The following SHANK2 variants were observed in gnomAD, a reference collection of about 807,000 sequenced individuals.
SHANK2 encodes the protein SH3 and multiple ankyrin repeat domains protein 2.
SHANK2 carries 43 observed loss-of-function variants against 133.7 expected under a neutral mutation model. The ratio of observed to expected loss-of-function variants is 0.32; its 90% CI spans 0.25 to 0.41. The LOEUF (loss-of-function observed/expected upper bound fraction) is 0.41. SHANK2 is among the 10% of genes least tolerant of loss of function. The probability of loss-of-function intolerance (pLI) is 1.00; values close to 1 mark genes in which losing one functional copy is unlikely to be tolerated. For missense variants in SHANK2, 1,994 were observed against 2,235.8 expected (o/e 0.89, Z 2.18); for synonymous variants, 1,017 against 952.8 (o/e 1.07, Z -1.24).
At chr11:70,766,230 G>A (rs2135014001) in intron 14 of SHANK2, among the ~76,000 whole-genome samples, 1 of 152,388 alleles carries the variant, frequency 6.6e-6, no homozygotes, top group South Asian at 2.1e-4. Context: ...TAAGGATGTT[G>A]GAGCAGCAAG....
chr11:70,936,991 C>T (rs1465788602), intron 10 of SHANK2, among the ~76,000 whole-genome samples: 2 of 152,170 alleles, frequency 1.3e-5, no homozygotes, highest in Non-Finnish European at 2.9e-5. Context: ...TTGGCCTGAC[C>T]TTTTTTGAAA....
rs575500559 is a variant in SHANK2 at position 71,094,801 on chromosome 11, C to G, written c.593-113G>C. 66 of 1,208,648 alleles carry G rather than the reference C, an allele frequency of 5.5e-5. No individual in the cohort carries two copies. In the East Asian group the frequency reaches 1.4e-3, roughly 26 times the overall value. The allele number at this position is 1,208,648 out of a possible 1,614,324, so 74.9% of individuals were successfully genotyped here. A position where few individuals can be genotyped will look rare whatever the true frequency, so the allele number is the denominator to read the frequency against. On this transcript the variant is annotated intron_variant, in intron 6 of 25. Coordinates refer to ENST00000601538, the MANE Select transcript of SHANK2 (RefSeq NM_012309.5). ...AGAACTGACTCCCCTCCTCCACCTC[C>G]AGGGTGTTTACAGCTCCCACCACCT...
intron 15 of SHANK2, among the ~76,000 whole-genome samples, chr11:70,689,249 T>C (rs1335635021): frequency 6.6e-6 from 1 of 152,114 alleles, no homozygotes; most frequent in Non-Finnish European, 1.5e-5. Flanking sequence ...GTTAAGGACA[T>C]TTCCCAGAAT....
intron 14 of SHANK2, among the ~76,000 whole-genome samples, chr11:70,742,776 C>G (rs893797339): frequency 1.2e-4 from 19 of 152,326 alleles, no homozygotes; most frequent in Admixed American, 1.1e-3. Flanking sequence ...GGCAAGGGGG[C>G]GGCCTGGAGC....
At chr11:70,616,548 C>T (rs1565182444) in intron 17 of SHANK2, among the ~76,000 whole-genome samples, 1 of 152,146 alleles carries the variant, frequency 6.6e-6, no homozygotes, top group African/African-American at 2.4e-5. Flanking sequence ...AGGGCCAGGC[C>T]ACGAGGACAG....
chr11:70,946,543 C>A (rs1257615358), intron 10 of SHANK2, among the ~76,000 whole-genome samples: 1 of 148,422 alleles, frequency 6.7e-6, no homozygotes, highest in Non-Finnish European at 1.5e-5. Flanking sequence ...CACTAACCAA[C>A]TCTTCCCCAG....
chr11:71,171,627 T>C (rs1050156691), intron 2 of SHANK2, among the ~76,000 whole-genome samples: 2 of 152,142 alleles, frequency 1.3e-5, no homozygotes, highest in African/African-American at 4.8e-5. Flanking sequence ...CCCAGCATAT[T>C]GGATGGGCCC....
chr11:70,732,431 C>G (rs1363728847), intron 14 of SHANK2, among the ~76,000 whole-genome samples: 1 of 152,196 alleles, frequency 6.6e-6, no homozygotes, highest in African/African-American at 2.4e-5. Context: ...CTTTCTCCAC[C>G]TGGCCCCAAA....
rs10713824 is a variant in SHANK2, at chr11:71,137,253, C to CT, written c.207+9866dup. ...GAAAAAAAGAAAGTTTTAGTCTTTT[C>CT]TTTTTTTTTAAATCCTTTTTTAAAA... is the stretch of plus-strand genomic sequence containing the variant. On this transcript the variant is annotated intron_variant, in intron 3 of 25. Transcript: ENST00000601538. Among the ~76,000 whole-genome samples the CT allele has an allele frequency of 2.3e-3, 301 of 128,698 alleles. 2 individuals carry two copies. The highest frequency in any genetic ancestry group is 7.9e-3 in the African/African-American group (280 of 35,578). 84.4% of individuals were successfully genotyped at this position (128,698 alleles called of 152,430 possible).
chr11:70,519,423 G>A (rs1565092341), intron 17 of SHANK2, among the ~76,000 whole-genome samples: 2 of 152,140 alleles, frequency 1.3e-5, no homozygotes, highest in Non-Finnish European at 2.9e-5. Context: ...GGAAGCAGGT[G>A]GACCATCTGA....
chr11:71,113,224 TAACAC>T, intron 5 of SHANK2, 64 bp downstream of exon 5: 1 of 1,376,034 alleles, frequency 7.3e-7, no homozygotes, highest in South Asian at 1.2e-5. Flanking sequence ...CGTCTAAAGA[TAACAC>T]AACAAGATAA....
At chr11:70,494,268 G>C (rs1400194145) in intron 21 of SHANK2, among the ~76,000 whole-genome samples, 1 of 152,090 alleles carries the variant, frequency 6.6e-6, no homozygotes, top group African/African-American at 2.4e-5. Context: ...CAGACCCTTG[G>C]GCCAGTCCTG....
chr11:70,736,456 AC>A (rs1555033587), intron 14 of SHANK2, among the ~76,000 whole-genome samples: 1 of 152,198 alleles, frequency 6.6e-6, no homozygotes, highest in Admixed American at 6.5e-5. Context: ...ATCCAATGAT[AC>A]GTGTTCTTCT....
At chr11:70,672,911 G>T (rs1255577831) in intron 15 of SHANK2, among the ~76,000 whole-genome samples, 1 of 152,238 alleles carries the variant, frequency 6.6e-6, no homozygotes, top group East Asian at 1.9e-4. Context: ...AGAGCTGGCA[G>T]TGGGACCCTG....
intron 17 of SHANK2, among the ~76,000 whole-genome samples, chr11:70,641,309 G>A (rs1250013193): frequency 1.3e-5 from 2 of 152,060 alleles, no homozygotes; most frequent in Non-Finnish European, 2.9e-5. Flanking sequence ...TAGCCAGGAT[G>A]GTCTCGATCT....
intron 17 of SHANK2, among the ~76,000 whole-genome samples, chr11:70,544,313 A>T (rs1476861498): frequency 6.6e-6 from 1 of 152,140 alleles, no homozygotes; most frequent in Admixed American, 6.5e-5. Context: ...CGGGGAACAT[A>T]GCTGTTGTGA....
intron 14 of SHANK2, among the ~76,000 whole-genome samples, chr11:70,730,521 G>GT (rs1267946172): frequency 6.6e-6 from 1 of 152,026 alleles, no homozygotes; most frequent in Admixed American, 6.6e-5. Flanking sequence ...AACGCTGAGT[G>GT]TGCCCCTAAC....
chr11:70,574,952 G>T (rs1284352915), intron 17 of SHANK2, among the ~76,000 whole-genome samples: 1 of 152,052 alleles, frequency 6.6e-6, no homozygotes, highest in African/African-American at 2.4e-5. Context: ...GAGAGGCCCC[G>T]CTATGAGTCC....
intron 17 of SHANK2, among the ~76,000 whole-genome samples, chr11:70,608,255 G>A (rs1247121830): frequency 1.2e-4 from 18 of 152,108 alleles, no homozygotes; most frequent in Admixed American, 7.2e-4. Flanking sequence ...TTGTGGGTGC[G>A]AACCACCTCA....
Sources: allele counts gnomAD v4.1 joint callset (sites outside exome capture counted in the v4.1 genomes callset), GRCh38; gene constraint gnomAD v4.1.1; transcripts MANE v1.5; gene names NCBI Gene and HGNC (gene_info 2026-07-23, HGNC 2026-07-21).